Variants in SH3GL2 observed in about 807,000 individuals in gnomAD.
SH3GL2 encodes the protein endophilin-A1.
In SH3GL2, 24 loss-of-function variants were observed where a neutral mutation model predicts 46.0. That is an observed-to-expected ratio of 0.52 (90% CI 0.38 to 0.73). The LOEUF is 0.73. Ranked by LOEUF, SH3GL2 falls within the 30% of genes least tolerant of loss-of-function variation. The probability of loss-of-function intolerance (pLI) is 0.00; values close to 1 mark genes in which losing one functional copy is unlikely to be tolerated. For synonymous variants in SH3GL2, 196 were observed against 147.1 expected (o/e 1.33, Z -2.40); for missense variants, 413 against 424.2 (o/e 0.97, Z 0.23).
intron 2 of SH3GL2, among the ~76,000 whole-genome samples, chr9:17,755,316 T>C (rs1211300222): frequency 6.6e-6 from 1 of 152,234 alleles, no homozygotes; most frequent in Non-Finnish European, 1.5e-5. Flanking sequence ...TGAACCAACC[T>C]TGCATCCCAG....
intron 1 of SH3GL2, among the ~76,000 whole-genome samples, chr9:17,695,165 T>G (rs1009695668): frequency 3.3e-5 from 5 of 152,148 alleles, no homozygotes; most frequent in African/African-American, 1.2e-4. Flanking sequence ...TGTGGCTTTG[T>G]TCAGTGGGTG....
chr9:17,645,151 C>CTTTTTTTTTTTTTTT (rs57611978), intron 1 of SH3GL2, among the ~76,000 whole-genome samples: 9 of 68,772 alleles, frequency 1.3e-4, no homozygotes, highest in South Asian at 4.6e-4. Flanking sequence ...GCAAACGCTG[C>CTTTTTTTTTTTTTTT]TTTTTTTTTT....
chr9:17,586,041 A>G (rs1818372052), intron 1 of SH3GL2, among the ~76,000 whole-genome samples: 1 of 152,258 alleles, frequency 6.6e-6, no homozygotes, highest in Non-Finnish European at 1.5e-5. Flanking sequence ...TTAAAATGCC[A>G]TGATTGTGAG....
intron 1 of SH3GL2, among the ~76,000 whole-genome samples, chr9:17,706,951 G>A (rs1303894646): frequency 6.6e-6 from 1 of 151,996 alleles, no homozygotes; most frequent in Non-Finnish European, 1.5e-5. Flanking sequence ...GAGAAATGTA[G>A]CATTTCAGAG....
At chr9:17,605,439 T>C (rs1245012915) in intron 1 of SH3GL2, among the ~76,000 whole-genome samples, 1 of 152,088 alleles carries the variant, frequency 6.6e-6, no homozygotes, top group Non-Finnish European at 1.5e-5. Flanking sequence ...CAAGAAAAAT[T>C]CATCTAGCAG....
intron 1 of SH3GL2, among the ~76,000 whole-genome samples, chr9:17,687,330 G>A (rs1820944673): frequency 6.6e-6 from 1 of 152,100 alleles, no homozygotes. Flanking sequence ...TCATCTGCAA[G>A]TGAACAAGTA....
intron 1 of SH3GL2, among the ~76,000 whole-genome samples, chr9:17,620,422 A>G (rs931903367): frequency 1.2e-4 from 18 of 152,172 alleles, no homozygotes; most frequent in Non-Finnish European, 7.4e-5. Context: ...TACTTAATTT[A>G]TTACTCCCAA....
At chr9:17,594,660 AT>A (rs550200580) in intron 1 of SH3GL2, among the ~76,000 whole-genome samples, 4,179 of 151,710 alleles carry the variant, frequency 0.028, 77 homozygotes, top group Non-Finnish European at 0.044. Flanking sequence ...AATTAAAAAA[AT>A]AATTGTGTGT....
At chr9:17,772,007 CTT>C (rs1265235152) in intron 3 of SH3GL2, among the ~76,000 whole-genome samples, 3 of 152,236 alleles carry the variant, frequency 2.0e-5, no homozygotes, top group South Asian at 2.1e-4. Context: ...CAGTATAACT[CTT>C]TCTGTCATTT....
At chr9:17,742,287 C>T (rs971900528) in intron 1 of SH3GL2, among the ~76,000 whole-genome samples, 4 of 152,104 alleles carry the variant, frequency 2.6e-5, no homozygotes, top group Admixed American at 1.3e-4. Flanking sequence ...GTAGAGGTGA[C>T]AGCTAACTGG....
intron 2 of SH3GL2, among the ~76,000 whole-genome samples, chr9:17,759,425 C>G (rs1823105240): frequency 6.6e-6 from 1 of 152,174 alleles, no homozygotes. Context: ...CTGACTTGGC[C>G]TCTCTTTCAG....
At chr9:17,595,408 T>G (rs1359139902) in intron 1 of SH3GL2, among the ~76,000 whole-genome samples, 1 of 152,226 alleles carries the variant, frequency 6.6e-6, no homozygotes, top group Non-Finnish European at 1.5e-5. Context: ...TTGTTTAGAT[T>G]GGCAGAGATG....
chr9:17,678,334 G>C (rs1284635935), intron 1 of SH3GL2, among the ~76,000 whole-genome samples: 1 of 152,146 alleles, frequency 6.6e-6, no homozygotes, highest in African/African-American at 2.4e-5. Context: ...ATTGTAACTG[G>C]TATGAGATGG....
At chr9:17,697,381 G>C (rs188958099) in intron 1 of SH3GL2, among the ~76,000 whole-genome samples, 1 of 151,336 alleles carries the variant, frequency 6.6e-6, no homozygotes. Flanking sequence ...ACGCCACCAT[G>C]CCTGGCTAAT....
At chr9:17,648,364 A>C (rs1335194837) in intron 1 of SH3GL2, among the ~76,000 whole-genome samples, 1 of 152,228 alleles carries the variant, frequency 6.6e-6, no homozygotes, top group African/African-American at 2.4e-5. Flanking sequence ...GCCAGTTTAT[A>C]TCTACACAAA....
intron 1 of SH3GL2, among the ~76,000 whole-genome samples, chr9:17,693,599 G>A (rs867362569): frequency 6.6e-6 from 1 of 152,130 alleles, no homozygotes; most frequent in African/African-American, 2.4e-5. Context: ...AAGAAAGGCT[G>A]CCTTTATTCT....
chr9:17,678,908 T>C (rs1011115489), intron 1 of SH3GL2, among the ~76,000 whole-genome samples: 5 of 152,322 alleles, frequency 3.3e-5, no homozygotes, highest in African/African-American at 1.2e-4. Context: ...CCATTTCTTG[T>C]TTTTGTCAGA....
At chr9:17,655,911 C>T (rs1349497108) in intron 1 of SH3GL2, among the ~76,000 whole-genome samples, 1 of 152,194 alleles carries the variant, frequency 6.6e-6, no homozygotes, top group East Asian at 1.9e-4. Context: ...GGGATCTGCA[C>T]TTCATGATCC....
At chr9:17,692,105 G>A (rs1272310561) in intron 1 of SH3GL2, among the ~76,000 whole-genome samples, 2 of 151,980 alleles carry the variant, frequency 1.3e-5, no homozygotes, top group East Asian at 3.9e-4. Context: ...GACCAAACAA[G>A]TATATATTAA....
Sources: allele counts gnomAD v4.1 joint callset (sites outside exome capture counted in the v4.1 genomes callset), GRCh38; gene constraint gnomAD v4.1.1; transcripts MANE v1.5; gene names NCBI Gene and HGNC (gene_info 2026-07-23, HGNC 2026-07-21).